MYCBP2: variants seen among roughly 807,000 people sequenced by gnomAD.
MYCBP2 encodes the protein MYC binding protein 2.
Under a neutral mutation model 525.3 loss-of-function variants are expected in MYCBP2, and 120 were observed. The ratio of observed to expected loss-of-function variants is 0.23; its 90% confidence interval spans 0.20 to 0.27. The LOEUF is 0.27. Among genes scored for constraint, MYCBP2 ranks in the 10% least tolerant of loss-of-function variants. The probability of loss-of-function intolerance (pLI) is 1.00; values close to 1 mark genes in which losing one functional copy is unlikely to be tolerated. For missense variants in MYCBP2, 4,149 were observed against 5,657.1 expected, an observed-to-expected ratio of 0.73 and a Z score of 8.55; for synonymous variants, 1,894 against 1,955.8, an observed-to-expected ratio of 0.97 and a Z score of 0.83.
Position 77,225,437 on chromosome 13 carries a change from G to GAA in MYCBP2, c.2853_2854dup (p.Ser952PhefsTer5). 6.2e-7 allele frequency: 1 copy of GAA among 1,613,564 alleles called. No individual in the cohort carries two copies. Among genetic ancestry groups the GAA allele is most frequent in the Non-Finnish European group, 8.5e-7 (1 of 1,179,650 alleles). The stretch of plus-strand genomic sequence containing the variant: ...TACCCTAAAGTTCCAGCCGCTACCT[G>GAA]AATGGTGAAATCCACAGCTGACTTG... On this transcript the variant is annotated frameshift_variant, in exon 19 of 83. Coordinates refer to ENST00000544440, the MANE Select transcript of MYCBP2 (RefSeq NM_015057.5). LOFTEE classifies it high-confidence loss of function.
intron 24 of MYCBP2, 96 bp downstream of exon 24, chr13:77,206,557 C>A: frequency 8.9e-7 from 1 of 1,127,856 alleles, no homozygotes; most frequent in Non-Finnish European, 1.2e-6. Context: ...ATTTAACAAA[C>A]AAGACAGAAT....
rs567329993 is a variant in MYCBP2 at position 77,165,371 on chromosome 13, A to G, written c.6361T>C (p.Leu2121=). The change falls in exon 42 of 83, where the codon TTG becomes CTG. Residue 2121 remains leucine (L), a synonymous_variant. Transcript: ENST00000544440. The part of the protein sequence containing the change: ...VLPGNEALFS[L]ETASDYVKDD... ...TTCACATAATCTGATGCAGTCTCCAATGAAAAAAGGGCCTCATTTCCTAAT... is the reference window on the plus strand; with the variant it reads ...TTCACATAATCTGATGCAGTCTCCAGTGAAAAAAGGGCCTCATTTCCTAAT... 39 of 1,602,862 alleles carry G rather than the reference A, an allele frequency of 2.4e-5. No individual in the cohort carries two copies. The East Asian group carries it at 7.6e-4, about 31-fold the overall frequency.
chr13:77,218,024 A>G, intron 20 of MYCBP2, 67 bp from the exon 21 acceptor site: 1 of 1,063,170 alleles, frequency 9.4e-7, no homozygotes, highest in Non-Finnish European at 1.4e-6. Flanking sequence ...AACAATAAGT[A>G]AGCAATGCAA....
rs577042614 is a variant in MYCBP2, at chr13:77,200,767, C to G, written c.3843+4489G>C. 2.8e-3 allele frequency among the ~76,000 whole-genome samples: 424 copies of G among 152,164 alleles called. 1 individual carries two copies. The highest frequency in any genetic ancestry group is 4.7e-3 in the Non-Finnish European group (321 of 67,998). ...ATTCTTTAAGAAAAGAATTTCCAAC[C>G]CAGAATTTCATATCCAGCCAAACTA... On this transcript the variant is annotated intron_variant, in intron 26 of 82. Transcript: ENST00000544440.
chr13:77,068,643 T>C lies in MYCBP2; in HGVS notation c.12093A>G (p.Gln4031=). ...LALSGSNVGR[Q]YLAQQLTLLQ... is the part of the protein sequence containing the mutation. The stretch of plus-strand genomic sequence containing the variant: ...GCAGGGTTAGCTGTTGAGCCAGATA[T>C]TGCCGGCCAACGTTAGAGCCACTCA... The change falls in exon 70 of 83, where the codon CAA becomes CAG. Residue 4031 remains glutamine, a synonymous_variant. Coordinates refer to ENST00000544440, the MANE Select transcript of MYCBP2 (RefSeq NM_015057.5). 1.2e-6 allele frequency: 2 copies of C among 1,614,194 alleles called. No homozygotes were observed. The highest frequency in any genetic ancestry group is 1.3e-5 in the African/African-American group (1 of 75,052).
At position 77,090,020 on chromosome 13, in the gene MYCBP2, A is replaced by T. The variant is rs2045117818; in HGVS notation, c.10525+86T>A. The T allele has an allele frequency of 2.5e-6, 3 of 1,204,288 alleles. No homozygotes were observed. In the Admixed American group the frequency reaches 7.9e-5, roughly 32 times the overall value. 74.6% of individuals were successfully genotyped at this position (1,204,288 alleles called of 1,614,324 possible). A position where few individuals can be genotyped will look rare whatever the true frequency, so the allele number is the denominator to read the frequency against. On this transcript the variant is annotated intron_variant, in intron 60 of 82. Transcript: ENST00000544440. ...CCCATGCCTTTTCCTTCAAAAATTA[A>T]ATTTTAAAAATTATATGCAAATAAA...
At chr13:77,118,148 T>C (rs774515907) in intron 55 of MYCBP2, among the ~76,000 whole-genome samples, 4 of 152,170 alleles carry the variant, frequency 2.6e-5, no homozygotes, top group Non-Finnish European at 5.9e-5. Context: ...GAACTTTAAA[T>C]CAACTTTAAA....
chr13:77,287,692 G>T (rs758452041), intron 3 of MYCBP2, among the ~76,000 whole-genome samples: 14 of 152,076 alleles, frequency 9.2e-5, no homozygotes, highest in Non-Finnish European at 2.1e-4. Flanking sequence ...ACACAGCTGA[G>T]AGGCTTTGTA....
intron 26 of MYCBP2, among the ~76,000 whole-genome samples, chr13:77,203,935 T>C (rs1270712445): frequency 3.3e-5 from 5 of 151,826 alleles, no homozygotes; most frequent in Non-Finnish European, 7.4e-5. Context: ...CCTAAAACCA[T>C]AAAAACCCTA....
chr13:77,267,365 ACT>A (rs1024417010), intron 8 of MYCBP2, among the ~76,000 whole-genome samples: 12 of 151,458 alleles, frequency 7.9e-5, no homozygotes, highest in East Asian at 1.9e-4. Flanking sequence ...CCTACCCTAA[ACT>A]CTCTGTCTCT....
chr13:77,292,958 C>CAAAA (rs548135428), intron 2 of MYCBP2, among the ~76,000 whole-genome samples: 26 of 60,740 alleles, frequency 4.3e-4, no homozygotes, highest in Admixed American at 8.3e-4. Flanking sequence ...GACTCCGTCT[C>CAAAA]AAAAAAAAAA....
chr13:77,271,382 C>T (rs533937089), intron 5 of MYCBP2, among the ~76,000 whole-genome samples: 68 of 152,278 alleles, frequency 4.5e-4, no homozygotes, highest in Non-Finnish European at 7.8e-4. Flanking sequence ...GCAGTACTAC[C>T]ATGTCTACCC....
At chr13:77,175,868 A>T (rs2059646066) in intron 36 of MYCBP2, among the ~76,000 whole-genome samples, 1 of 151,940 alleles carries the variant, frequency 6.6e-6, no homozygotes, top group Non-Finnish European at 1.5e-5. Flanking sequence ...GACACAGGAG[A>T]ATCATTTAAA....
At chr13:77,165,877 A>G (rs2058466876) in intron 41 of MYCBP2, among the ~76,000 whole-genome samples, 1 of 152,216 alleles carries the variant, frequency 6.6e-6, no homozygotes, top group African/African-American at 2.4e-5. Context: ...TTAACTGGTT[A>G]AGAATGCAAC....
At position 77,326,481 on chromosome 13, in the gene MYCBP2, C is replaced by T; in HGVS notation, c.295G>A (p.Ala99Thr). The change falls in exon 1 of 83, where the codon GCC (alanine) becomes ACC (threonine). Residue 99 changes from alanine to threonine, a missense_variant. Transcript: ENST00000544440. This position sits in a 1 kb window ranked among gnomAD's most constrained non-coding sequence, Gnocchi z 4.2. ...DQGGGSAGHPASRNKKILNKK... is the reference protein window; with the variant it reads ...DQGGGSAGHPTSRNKKILNKK... Reference sequence around the variant, plus strand: ...GGCACCCTGGGGACGCACCTGGAGGCTGGGTGTCCAGCGCTGCCGCCCCCC... The same window carrying T: ...GGCACCCTGGGGACGCACCTGGAGGTTGGGTGTCCAGCGCTGCCGCCCCCC... The T allele has an allele frequency of 3.8e-6, 6 of 1,574,882 alleles. No individual in the cohort carries two copies. The highest frequency in any genetic ancestry group is 5.2e-6 in the Non-Finnish European group (6 of 1,162,346).
At chr13:77,073,612 G>A (rs1411323646) in intron 68 of MYCBP2, among the ~76,000 whole-genome samples, 1 of 152,006 alleles carries the variant, frequency 6.6e-6, no homozygotes, top group East Asian at 1.9e-4. Context: ...CAAATTTATT[G>A]AAGACTACAT....
chr13:77,183,956 T>A (rs1021983561), intron 32 of MYCBP2, among the ~76,000 whole-genome samples: 1 of 152,132 alleles, frequency 6.6e-6, no homozygotes, highest in Non-Finnish European at 1.5e-5. Context: ...AAAAACCAAC[T>A]TTTAGCTGTG....
At chr13:77,152,725 G>C (rs868397845) in intron 46 of MYCBP2, among the ~76,000 whole-genome samples, 1 of 152,088 alleles carries the variant, frequency 6.6e-6, no homozygotes, top group Non-Finnish European at 1.5e-5. Context: ...CTCACACCAT[G>C]CCCTTTCTAG....
chr13:77,086,811 T>G (rs1162111642), intron 62 of MYCBP2, among the ~76,000 whole-genome samples: 1 of 152,122 alleles, frequency 6.6e-6, no homozygotes, highest in African/African-American at 2.4e-5. Context: ...ATTTAGCCAA[T>G]TTTTTCACTG....
Sources: allele counts gnomAD v4.1 joint callset (sites outside exome capture counted in the v4.1 genomes callset), GRCh38; gene constraint gnomAD v4.1.1; non-coding constraint Gnocchi (gnomAD v3.1); transcripts MANE v1.5; gene names NCBI Gene and HGNC (gene_info 2026-07-23, HGNC 2026-07-21).